NCKAP5: variants seen among roughly 807,000 people sequenced by gnomAD.
The protein encoded by NCKAP5 is NCK associated protein 5.
A neutral mutation model predicts 167.0 loss-of-function variants in NCKAP5; 92 were observed. The observed-to-expected ratio is 0.55, with a 90% confidence interval of 0.47 to 0.66. The LOEUF (loss-of-function observed/expected upper bound fraction) is 0.66. NCKAP5 is among the 30% of genes least tolerant of loss of function. The probability of loss-of-function intolerance (pLI) is 0.00; values close to 1 mark genes in which losing one functional copy is unlikely to be tolerated. For missense variants in NCKAP5, 2,378 were observed against 2,315.0 expected, an observed-to-expected ratio of 1.03 and a Z score of -0.56; for synonymous variants, 891 against 877.4, an observed-to-expected ratio of 1.02 and a Z score of -0.27.
intron 19 of NCKAP5, among the ~76,000 whole-genome samples, chr2:132,714,343 T>C (rs911007708): frequency 8.5e-5 from 13 of 152,204 alleles, no homozygotes; most frequent in African/African-American, 3.1e-4. Flanking sequence ...ATTCCAGAAA[T>C]TGTTCTGCGT....
chr2:132,872,209 G>C (rs1182585895), intron 9 of NCKAP5, among the ~76,000 whole-genome samples: 2 of 152,208 alleles, frequency 1.3e-5, no homozygotes, highest in African/African-American at 4.8e-5. Context: ...TGTCCATGGA[G>C]GCCTCTCCCC....
rs187904112 is a variant in NCKAP5 at position 133,120,415 on chromosome 2, A to G, written c.341+9563T>C. Among the ~76,000 whole-genome samples, 284 of 152,312 alleles carry G rather than the reference A, an allele frequency of 1.9e-3. 1 individual carries two copies. Among genetic ancestry groups the G allele is most frequent in the Non-Finnish European group, 2.5e-3 (168 of 68,028 alleles). On this transcript the variant is annotated intron_variant, in intron 6 of 19. Coordinates refer to ENST00000409261, the MANE Select transcript of NCKAP5 (RefSeq NM_207363.3). ...TACAGTTAGCACTTAGACTTATACTATGTGGGAACAGTGTTCATTAAATGC... is the reference window on the plus strand; with the variant it reads ...TACAGTTAGCACTTAGACTTATACTGTGTGGGAACAGTGTTCATTAAATGC...
At chr2:133,546,223 G>A (rs917124960) in intron 2 of NCKAP5, among the ~76,000 whole-genome samples, 1 of 152,044 alleles carries the variant, frequency 6.6e-6, no homozygotes, top group African/African-American at 2.4e-5. Context: ...AGGTGAAAAA[G>A]TGCCCCCACT....
intron 3 of NCKAP5, among the ~76,000 whole-genome samples, chr2:133,466,280 T>C (rs1022725997): frequency 5.4e-5 from 8 of 148,020 alleles, no homozygotes; most frequent in African/African-American, 2.0e-4. Context: ...CTTTCCCCAT[T>C]GCTTGTTTTT....
chr2:133,208,439 C>A (rs2086058862), intron 5 of NCKAP5, among the ~76,000 whole-genome samples: 1 of 152,114 alleles, frequency 6.6e-6, no homozygotes, highest in Non-Finnish European at 1.5e-5. Context: ...CAAAAATATA[C>A]CCAAATCTAA....
intron 6 of NCKAP5, among the ~76,000 whole-genome samples, chr2:133,075,751 T>C (rs573858070): frequency 6.6e-6 from 1 of 152,178 alleles, no homozygotes; most frequent in African/African-American, 2.4e-5. Flanking sequence ...TTTTAAATTT[T>C]CAAATAATCC....
chr2:133,434,172 C>T (rs1690328037), intron 3 of NCKAP5, among the ~76,000 whole-genome samples: 2 of 152,088 alleles, frequency 1.3e-5, no homozygotes, highest in Admixed American at 6.6e-5. Context: ...CAAGGATAAT[C>T]CAAGATATGT....
chr2:133,105,846 G>A (rs1450077537), intron 6 of NCKAP5, among the ~76,000 whole-genome samples: 1 of 152,108 alleles, frequency 6.6e-6, no homozygotes, highest in African/African-American at 2.4e-5. Flanking sequence ...TATATTCTGG[G>A]ATTAAGAGTT....
At chr2:132,867,979 A>C (rs1397808913) in intron 10 of NCKAP5, among the ~76,000 whole-genome samples, 1 of 152,226 alleles carries the variant, frequency 6.6e-6, no homozygotes. Flanking sequence ...TAGGCAAGAA[A>C]GTCTAGCAAA....
intron 5 of NCKAP5, among the ~76,000 whole-genome samples, chr2:133,137,050 C>T (rs2082812540): frequency 6.6e-6 from 1 of 152,198 alleles, no homozygotes; most frequent in Non-Finnish European, 1.5e-5. Context: ...ACTCTATTAA[C>T]CAACTCTGTC....
intron 6 of NCKAP5, among the ~76,000 whole-genome samples, chr2:133,003,629 CT>C (rs1412278204): frequency 6.6e-6 from 1 of 152,182 alleles, no homozygotes; most frequent in Non-Finnish European, 1.5e-5. Context: ...GAAAACTGCA[CT>C]GAAACAGAAA....
At chr2:133,658,631 G>A in the NCKAP5 span, among the ~76,000 whole-genome samples, 2 of 152,094 alleles carry the variant, frequency 1.3e-5, no homozygotes, top group Admixed American at 6.5e-5. Flanking sequence ...CGGGACCTAC[G>A]GATGCAAAGG....
At chr2:133,145,789 G>A (rs923382773) in intron 5 of NCKAP5, among the ~76,000 whole-genome samples, 10 of 151,822 alleles carry the variant, frequency 6.6e-5, no homozygotes, top group African/African-American at 2.2e-4. Context: ...ACAAAAATAA[G>A]CCCAGGCATT....
At chr2:133,425,960 C>G (rs923938739) in intron 3 of NCKAP5, among the ~76,000 whole-genome samples, 3 of 152,198 alleles carry the variant, frequency 2.0e-5, no homozygotes, top group Non-Finnish European at 2.9e-5. Flanking sequence ...AAAAAACAGT[C>G]TTCTAACCAA....
chr2:133,239,158 C>T (rs1332739445), intron 4 of NCKAP5, among the ~76,000 whole-genome samples: 2 of 152,168 alleles, frequency 1.3e-5, no homozygotes, highest in African/African-American at 2.4e-5. Context: ...GTGCTGGCAT[C>T]TTCTAAAATA....
intron 3 of NCKAP5, among the ~76,000 whole-genome samples, chr2:133,454,884 G>A (rs1411341074): frequency 6.6e-6 from 1 of 152,032 alleles, no homozygotes; most frequent in Non-Finnish European, 1.5e-5. Flanking sequence ...TAATTGGAAT[G>A]TTACCTATCA....
Position 133,346,563 on chromosome 2 carries a change from T to C in NCKAP5, c.70-43453A>G, listed in dbSNP as rs116134843. The stretch of plus-strand genomic sequence containing the variant: ...AGCCTCTTAGAGAACAGTCCTAGGG[T>C]GATGGTCTGAAATATTCTAATTAGC... On this transcript the variant is annotated intron_variant, in intron 3 of 19. Coordinates refer to ENST00000409261, the MANE Select transcript of NCKAP5 (RefSeq NM_207363.3). 4.7e-3 allele frequency among the ~76,000 whole-genome samples: 714 copies of C among 152,232 alleles called. 4 individuals are homozygous for C. Among genetic ancestry groups the C allele is most frequent in the African/African-American group, 0.016 (658 of 41,520 alleles).
chr2:133,302,762 C>G (rs1366472783), intron 4 of NCKAP5, among the ~76,000 whole-genome samples: 2 of 146,128 alleles, frequency 1.4e-5, no homozygotes, highest in Non-Finnish European at 3.0e-5. Context: ...GCACATGTAC[C>G]CTAAAACTTA....
the NCKAP5 span, among the ~76,000 whole-genome samples, chr2:133,606,789 T>C: frequency 2.0e-5 from 3 of 150,192 alleles, no homozygotes; most frequent in East Asian, 5.9e-4. Flanking sequence ...CTTTTCTACA[T>C]ACTGAAACCA....
Sources: allele counts gnomAD v4.1 joint callset (sites outside exome capture counted in the v4.1 genomes callset), GRCh38; gene constraint gnomAD v4.1.1; transcripts MANE v1.5; gene names NCBI Gene and HGNC (gene_info 2026-07-23, HGNC 2026-07-21).